Variants in LMAN2L observed in about 807,000 individuals in gnomAD.
LMAN2L encodes lectin, mannose binding 2 like.
A neutral mutation model predicts 44.3 loss-of-function variants in LMAN2L; 30 were observed. The observed-to-expected ratio is 0.68, with a 90% CI of 0.51 to 0.92. The LOEUF (loss-of-function observed/expected upper bound fraction) is 0.92. Among genes scored for constraint, LMAN2L ranks in the 40% least tolerant of loss-of-function variants. The pLI is 0.00. For synonymous variants in LMAN2L, 183 were observed against 171.1 expected (o/e 1.07, Z -0.54); for missense variants, 429 against 446.1 (o/e 0.96, Z 0.35).
intron 4 of LMAN2L, among the ~76,000 whole-genome samples, chr2:96,720,601 G>A (rs1009242034): frequency 7.2e-5 from 11 of 151,898 alleles, no homozygotes; most frequent in Admixed American, 2.0e-4. Context: ...ATAGGCACGA[G>A]CTACTGTGCC....
Position 96,707,191 on chromosome 2 carries a change from G to A in LMAN2L, c.*65C>T. 6.6e-7 allele frequency: 1 copy of A among 1,514,838 alleles called. No homozygotes were observed. Among genetic ancestry groups the A allele is most frequent in the East Asian group, 2.3e-5 (1 of 44,078 alleles). 93.8% of individuals were successfully genotyped at this position (1,514,838 alleles called of 1,614,324 possible). On this transcript the variant is annotated 3_prime_UTR_variant, in exon 8 of 8. Transcript: ENST00000264963. ...GAACACTCTCCAGGCTGCATGCTCA[G>A]GCCAGTGCCTGCTCCTTCCATACCT...
chr2:96,734,549 AT>A (rs762483244), intron 2 of LMAN2L, 23 bp from the exon 3 acceptor site: 16 of 1,438,416 alleles, frequency 1.1e-5, no homozygotes, highest in Non-Finnish European at 1.5e-5. Context: ...AGACATTAGA[AT>A]CAATGAGGAG....
intron 4 of LMAN2L, among the ~76,000 whole-genome samples, chr2:96,717,468 G>A (rs1292450898): frequency 6.7e-6 from 1 of 149,944 alleles, no homozygotes; most frequent in Non-Finnish European, 1.5e-5. Flanking sequence ...AGAAGTTGAG[G>A]CTACACTAAG....
intron 4 of LMAN2L, among the ~76,000 whole-genome samples, chr2:96,714,639 C>G (rs749088748): frequency 1.3e-5 from 2 of 152,132 alleles, no homozygotes; most frequent in African/African-American, 4.8e-5. Context: ...TCTGATGAGC[C>G]CAAGGCTTCC....
Position 96,740,022 on chromosome 2 carries a change from G to C in LMAN2L, c.19C>G (p.Pro7Ala), listed in dbSNP as rs778029577. Residue 7 changes from proline (P) to alanine (A), a missense_variant, in exon 1 of 8, where the codon CCC becomes GCC. Transcript: ENST00000264963. ...CGCCACTGCTGCCACGACCCAAGGG[G>C]TCCCAGAGTCGCCGCCATCTTTCCC... Reference protein sequence around the residue: MAATLGPLGSWQQWRRC... With the variant: MAATLGALGSWQQWRRC... 2 of 1,608,334 alleles carry C rather than the reference G, an allele frequency of 1.2e-6. No individual in the cohort carries two copies. Among genetic ancestry groups the C allele is most frequent in the African/African-American group, 1.3e-5 (1 of 74,738 alleles).
intron 1 of LMAN2L, 36 bp downstream of exon 1, chr2:96,739,817 GC>G: frequency 1.2e-6 from 2 of 1,601,818 alleles, no homozygotes; most frequent in Non-Finnish European, 1.7e-6. Flanking sequence ...CCCGAAGCCC[GC>G]CCCACTGCAC....
intron 1 of LMAN2L, among the ~76,000 whole-genome samples, chr2:96,739,579 C>T (rs907971331): frequency 2.0e-5 from 3 of 152,172 alleles, no homozygotes; most frequent in Non-Finnish European, 4.4e-5. Flanking sequence ...ATTCTCTCCC[C>T]TTCCCAAACT....
chr2:96,719,281 C>T (rs1258145164), intron 4 of LMAN2L, among the ~76,000 whole-genome samples: 2 of 152,140 alleles, frequency 1.3e-5, no homozygotes, highest in Non-Finnish European at 2.9e-5. Context: ...ATCAGAGTCT[C>T]GAAAGGGTCA....
chr2:96,716,579 G>A (rs1325106770), intron 4 of LMAN2L, among the ~76,000 whole-genome samples: 1 of 152,220 alleles, frequency 6.6e-6, no homozygotes, highest in East Asian at 1.9e-4. Flanking sequence ...CCACTGAATG[G>A]TGTGAATAAT....
At chr2:96,735,740 A>C (rs1448568472) in intron 2 of LMAN2L, among the ~76,000 whole-genome samples, 2 of 152,066 alleles carry the variant, frequency 1.3e-5, no homozygotes, top group Non-Finnish European at 2.9e-5. Flanking sequence ...CAGGAGGCTG[A>C]GGCAGGAGAA....
At chr2:96,711,450 C>T (rs531005530) in intron 6 of LMAN2L, among the ~76,000 whole-genome samples, 33 of 152,340 alleles carry the variant, frequency 2.2e-4, no homozygotes, top group Middle Eastern at 3.4e-3. Flanking sequence ...TTAGCACCAA[C>T]CATCTTCTAG....
intron 4 of LMAN2L, among the ~76,000 whole-genome samples, chr2:96,727,102 A>G (rs1381260124): frequency 6.6e-6 from 1 of 152,064 alleles, no homozygotes; most frequent in Admixed American, 6.6e-5. Context: ...ATAAAAATAA[A>G]AAATGTGTGT....
intron 4 of LMAN2L, among the ~76,000 whole-genome samples, chr2:96,730,398 G>C (rs1267963050): frequency 6.6e-6 from 1 of 152,068 alleles, no homozygotes; most frequent in African/African-American, 2.4e-5. Flanking sequence ...CAATCCTTCA[G>C]AACTTGGCCC....
intron 4 of LMAN2L, among the ~76,000 whole-genome samples, chr2:96,721,326 CTTTTTT>C (rs56023035): frequency 3.5e-5 from 3 of 84,598 alleles, no homozygotes; most frequent in Admixed American, 1.3e-4. Flanking sequence ...TTCTTTCAGT[CTTTTTT>C]TTTTTTTTTT....
Position 96,740,032 on chromosome 2 carries a change from C to T in LMAN2L, c.9G>A (p.Ala3=). 6.2e-7 allele frequency: 1 copy of T among 1,606,298 alleles called. No homozygotes were observed. Among genetic ancestry groups the T allele is most frequent in the Non-Finnish European group, 8.5e-7 (1 of 1,176,284 alleles). ...GCCACGACCCAAGGGGTCCCAGAGT[C>T]GCCGCCATCTTTCCCACCAACGACC... is the stretch of plus-strand genomic sequence containing the variant. MA[A]TLGPLGSWQQ... The change falls in exon 1 of 8, where the codon GCG becomes GCA. Residue 3 remains alanine, a synonymous_variant. Coordinates refer to ENST00000264963, the MANE Select transcript of LMAN2L (RefSeq NM_030805.4).
chr2:96,723,857 C>T (rs560114222), intron 4 of LMAN2L, among the ~76,000 whole-genome samples: 8 of 152,016 alleles, frequency 5.3e-5, no homozygotes, highest in East Asian at 3.9e-4. Context: ...GGGAGGCCGA[C>T]GCGGGTGGAT....
At chr2:96,737,384 T>C (rs145521427) in intron 2 of LMAN2L, among the ~76,000 whole-genome samples, 108 of 152,360 alleles carry the variant, frequency 7.1e-4, no homozygotes, top group African/African-American at 2.5e-3. Context: ...GACCGGTGGC[T>C]CACACCTATA....
intron 4 of LMAN2L, among the ~76,000 whole-genome samples, chr2:96,723,282 C>T (rs1230741028): frequency 6.6e-6 from 1 of 152,156 alleles, no homozygotes; most frequent in Non-Finnish European, 1.5e-5. Context: ...TTTGCATGTC[C>T]CTGATGGCTG....
In LMAN2L at chr2:96,737,998, C is replaced by T. The variant is rs780768102; in HGVS notation, c.257G>A (p.Arg86His). 11 of 1,613,984 alleles carry T rather than the reference C, an allele frequency of 6.8e-6. No individual in the cohort carries two copies. The highest frequency in any genetic ancestry group is 1.7e-5 in the Admixed American group (1 of 60,006). Reference protein sequence around the residue: ...GNAMVMTQYIRLTPDMQSKQG... With the variant: ...GNAMVMTQYIHLTPDMQSKQG... ...TTTACTTTGCATATCTGGGGTAAGG[C>T]GGATATACTGGGTCATCACCATGGC... Residue 86 changes from arginine to histidine, a missense_variant, in exon 2 of 8, where the codon CGC becomes CAC. Transcript: ENST00000264963.
Sources: gnomAD v4.1 joint callset for allele counts (sites outside exome capture counted in the v4.1 genomes callset) on GRCh38, gnomAD v4.1.1 for gene constraint, MANE v1.5 for transcripts, NCBI Gene and HGNC (gene_info 2026-07-23, HGNC 2026-07-21) for gene names.